INVS: variants seen among roughly 807,000 people sequenced by gnomAD.
The protein encoded by INVS is inversion of embryo turning homolog.
A neutral mutation model predicts 108.8 loss-of-function variants in INVS; 86 were observed. The observed-to-expected ratio is 0.79, with a 90% CI of 0.66 to 0.95. The LOEUF (loss-of-function observed/expected upper bound fraction) is 0.95. Among genes scored for constraint, INVS ranks in the 40% least tolerant of loss-of-function variants. The pLI, the probability that INVS is intolerant of heterozygous loss-of-function variation, is 0.00. For missense variants in INVS, 1,169 were observed against 1,297.4 expected (o/e 0.90, Z 1.52); for synonymous variants, 455 against 473.5 (o/e 0.96, Z 0.51).
At chr9:100,189,408 G>A (rs1483545255) in intron 3 of INVS, among the ~76,000 whole-genome samples, 2 of 150,622 alleles carry the variant, frequency 1.3e-5, no homozygotes, top group Non-Finnish European at 1.5e-5. Flanking sequence ...TGCTTTTGCT[G>A]TATCTCGGAG....
At chr9:100,234,004 C>G (rs1372410038) in intron 5 of INVS, among the ~76,000 whole-genome samples, 2 of 152,124 alleles carry the variant, frequency 1.3e-5, no homozygotes, top group African/African-American at 4.8e-5. Flanking sequence ...TGGTCCTGGA[C>G]TTTTATTGGT....
chr9:100,156,353 T>C (rs905988227), intron 3 of INVS, among the ~76,000 whole-genome samples: 5 of 149,736 alleles, frequency 3.3e-5, no homozygotes, highest in South Asian at 4.2e-4. Flanking sequence ...CTCTGTCTCC[T>C]GGGTTCAAGC....
chr9:100,192,248 AGTGTGTGT>A (rs58132596), intron 3 of INVS, among the ~76,000 whole-genome samples: 39 of 145,016 alleles, frequency 2.7e-4, no homozygotes, highest in Admixed American at 9.7e-4. Context: ...GGGAAAAAAG[AGTGTGTGT>A]GTGTGTGTGT....
chr9:100,157,503 T>A (rs1829036072), intron 3 of INVS, among the ~76,000 whole-genome samples: 2 of 152,052 alleles, frequency 1.3e-5, no homozygotes, highest in East Asian at 3.9e-4. Flanking sequence ...CCTGGCCTCG[T>A]GATCCGCCCG....
At chr9:100,177,078 C>T (rs1435546709) in intron 3 of INVS, among the ~76,000 whole-genome samples, 9 of 152,076 alleles carry the variant, frequency 5.9e-5, no homozygotes, top group East Asian at 1.9e-4. Context: ...CCATGAGCAA[C>T]GGTGCATTCC....
intron 2 of INVS, among the ~76,000 whole-genome samples, chr9:100,117,976 C>G (rs2118866421): frequency 6.6e-6 from 1 of 152,228 alleles, no homozygotes; most frequent in South Asian, 2.1e-4. Context: ...TCACCAGAAC[C>G]TGATCATGCT....
intron 10 of INVS, among the ~76,000 whole-genome samples, chr9:100,262,869 CTT>C (rs1832673911): frequency 6.6e-6 from 1 of 152,116 alleles, no homozygotes; most frequent in African/African-American, 2.4e-5. Flanking sequence ...ACCTCAGCCT[CTT>C]GAGTAACTGG....
At chr9:100,135,831 G>A (rs1477422629) in intron 3 of INVS, among the ~76,000 whole-genome samples, 2 of 152,040 alleles carry the variant, frequency 1.3e-5, no homozygotes, top group East Asian at 1.9e-4. Context: ...AGTAGTTGAA[G>A]GGCTCAGGTA....
intron 3 of INVS, among the ~76,000 whole-genome samples, chr9:100,179,013 A>G (rs1198997654): frequency 6.6e-6 from 1 of 152,164 alleles, no homozygotes; most frequent in Non-Finnish European, 1.5e-5. Context: ...AATTTTCAAC[A>G]CAGAATTTCA....
rs935724557 is a variant in INVS, at chr9:100,175,722, A to G, written c.273+49173A>G. The G allele has an allele frequency of 8.0e-5, 50 of 627,454 alleles. 1 individual carries two copies. In the Admixed American group the frequency reaches 8.3e-4, roughly 10 times the overall value. The allele number at this position is 627,454 out of a possible 1,614,324, so 38.9% of individuals were successfully genotyped here. ...GGCGAACATGTCTGGGAACCTTTCA[A>G]TGCAGAGCAACCAGACCTGTAGCAG... is the stretch of plus-strand genomic sequence containing the variant. On this transcript the variant is annotated intron_variant, in intron 3 of 16. Coordinates refer to ENST00000262457, the MANE Select transcript of INVS (RefSeq NM_014425.5).
At chr9:100,211,226 G>C (rs1240978093) in intron 3 of INVS, among the ~76,000 whole-genome samples, 1 of 152,172 alleles carries the variant, frequency 6.6e-6, no homozygotes, top group East Asian at 1.9e-4. Context: ...ATCCTAAAAG[G>C]TTGTACCAAT....
chr9:100,135,138 A>G, intron 3 of INVS, among the ~76,000 whole-genome samples: 1 of 152,214 alleles, frequency 6.6e-6, no homozygotes, highest in Non-Finnish European at 1.5e-5. Flanking sequence ...ACTTTACTGT[A>G]TATGTTATAT....
At chr9:100,151,246 C>A (rs796733751) in intron 3 of INVS, among the ~76,000 whole-genome samples, 1 of 152,002 alleles carries the variant, frequency 6.6e-6, no homozygotes, top group Non-Finnish European at 1.5e-5. Context: ...GAGACCAAGG[C>A]GGGAGGGTCA....
chr9:100,109,743 A>G (rs760742862), intron 2 of INVS, among the ~76,000 whole-genome samples: 1 of 152,114 alleles, frequency 6.6e-6, no homozygotes, highest in Non-Finnish European at 1.5e-5. Context: ...TCGGCTCACC[A>G]CAACCTCTGC....
intron 12 of INVS, among the ~76,000 whole-genome samples, chr9:100,273,745 C>G (rs1326804146): frequency 1.3e-5 from 2 of 151,638 alleles, no homozygotes; most frequent in Non-Finnish European, 2.9e-5. Context: ...ACCATGTTGG[C>G]TAGGCTGGTC....
intron 3 of INVS, among the ~76,000 whole-genome samples, chr9:100,202,741 T>C (rs1440766065): frequency 6.6e-6 from 1 of 152,194 alleles, no homozygotes; most frequent in Non-Finnish European, 1.5e-5. Context: ...ATTCCACTAT[T>C]AGGTCAGCAG....
chr9:100,298,251 G>C, intron 16 of INVS: 1 of 1,399,276 alleles, frequency 7.1e-7, no homozygotes, highest in Non-Finnish European at 9.3e-7. Flanking sequence ...AGCTATTATT[G>C]ATCACTTTTA....
intron 13 of INVS, among the ~76,000 whole-genome samples, chr9:100,290,650 C>G (rs1000754694): frequency 6.6e-6 from 1 of 152,198 alleles, no homozygotes; most frequent in African/African-American, 2.4e-5. Flanking sequence ...TCACACCCAG[C>G]CCATCCCTTT....
chr9:100,118,910 C>T (rs1827639243), intron 2 of INVS, among the ~76,000 whole-genome samples: 2 of 152,156 alleles, frequency 1.3e-5, no homozygotes, highest in South Asian at 4.1e-4. Flanking sequence ...ATCCACCCAC[C>T]TTGGCTTCCC....
Sources: gnomAD v4.1 joint callset for allele counts (sites outside exome capture counted in the v4.1 genomes callset) on GRCh38, gnomAD v4.1.1 for gene constraint, MANE v1.5 for transcripts, NCBI Gene and HGNC (gene_info 2026-07-23, HGNC 2026-07-21) for gene names.